Variants in ADGRV1 observed in about 807,000 individuals in gnomAD.
ADGRV1 encodes the protein G-protein coupled receptor 98.
A neutral mutation model predicts 596.2 loss-of-function variants in ADGRV1; 359 were observed. The observed-to-expected ratio is 0.60, with a 90% confidence interval of 0.55 to 0.66. The LOEUF (loss-of-function observed/expected upper bound fraction) is 0.66, where lower values mean the gene tolerates loss of function less well. ADGRV1 is among the 30% of genes least tolerant of loss of function. The pLI is 0.00. For synonymous variants in ADGRV1, 2,681 were observed against 2,679.2 expected (o/e 1.00, Z -0.02); for missense variants, 7,274 against 7,575.6 (o/e 0.96, Z 1.48).
intron 38 of ADGRV1, among the ~76,000 whole-genome samples, chr5:90,706,883 T>C (rs1748683280): frequency 1.3e-5 from 2 of 152,050 alleles, no homozygotes; most frequent in Non-Finnish European, 2.9e-5. Flanking sequence ...GTTGTTGTTG[T>C]TGTTTTAATC....
Position 90,791,153 on chromosome 5 carries a change from T to C in ADGRV1, c.14324T>C (p.Ile4775Thr), listed in dbSNP as rs1361647081. 10 of 1,613,958 alleles carry C rather than the reference T, an allele frequency of 6.2e-6. No homozygotes were observed. The highest frequency in any genetic ancestry group is 4.5e-5 in the East Asian group (2 of 44,876). Residue 4775 changes from isoleucine to threonine, a missense_variant, in exon 70 of 90, where the codon ATT becomes ACT. Physicochemically the swap from Ile to Thr is moderately conservative, Grantham distance 89. Coordinates refer to ENST00000405460, the MANE Select transcript of ADGRV1 (RefSeq NM_032119.4). The part of the protein sequence containing the change: ...ALYSDRQSIL[I>T]GQNLIRSIQI... ...TATTCGGATCGCCAGTCAATACTTATTGGGCAGAACCTTATTAGATCCATC... is the reference window on the plus strand; with the variant it reads ...TATTCGGATCGCCAGTCAATACTTACTGGGCAGAACCTTATTAGATCCATC...
At chr5:90,730,979 TGAA>T (rs1752475037) in intron 50 of ADGRV1, among the ~76,000 whole-genome samples, 1 of 152,198 alleles carries the variant, frequency 6.6e-6, no homozygotes, top group Non-Finnish European at 1.5e-5. Flanking sequence ...TACCATGCTA[TGAA>T]GAATTCCTCT....
intron 74 of ADGRV1, among the ~76,000 whole-genome samples, chr5:90,814,650 G>A (rs1762736344): frequency 6.6e-6 from 1 of 151,978 alleles, no homozygotes; most frequent in Non-Finnish European, 1.5e-5. Context: ...CATATATGAC[G>A]TGCTTTGCTT....
intron 83 of ADGRV1, among the ~76,000 whole-genome samples, chr5:90,902,987 A>G (rs549662270): frequency 1.3e-5 from 2 of 152,248 alleles, no homozygotes; most frequent in Admixed American, 1.3e-4. Flanking sequence ...AGAAAAATTG[A>G]CATCTTATGG....
intron 50 of ADGRV1, among the ~76,000 whole-genome samples, chr5:90,738,690 G>A (rs1041879149): frequency 6.6e-6 from 1 of 152,042 alleles, no homozygotes; most frequent in African/African-American, 2.4e-5. Context: ...GCCATATTGA[G>A]ACGCCTTTGA....
At position 90,637,814 on chromosome 5, in the gene ADGRV1, G is replaced by C; in HGVS notation, c.2106G>C (p.Val702=). ...CCTCTGGCTTTAATTCAAAAGCAGTGACCCCGGATGATATAGGCCCCTTTA... is the reference window on the plus strand; with the variant it reads ...CCTCTGGCTTTAATTCAAAAGCAGTCACCCCGGATGATATAGGCCCCTTTA... The part of the protein sequence containing the change: ...LKPSGFNSKA[V]TPDDIGPFNG... Residue 702 remains valine (V), a synonymous_variant, in exon 11 of 90, where the codon GTG becomes GTC. Coordinates refer to ENST00000405460, the MANE Select transcript of ADGRV1 (RefSeq NM_032119.4). 1 of 1,613,652 alleles carries C rather than the reference G, an allele frequency of 6.2e-7. No individual in the cohort carries two copies. The highest frequency in any genetic ancestry group is 8.5e-7 in the Non-Finnish European group (1 of 1,179,758).
intron 85 of ADGRV1, among the ~76,000 whole-genome samples, chr5:90,995,363 G>T (rs569632221): frequency 6.6e-4 from 100 of 152,214 alleles, no homozygotes; most frequent in African/African-American, 2.4e-3. Context: ...GCTTCATTTT[G>T]CTCCCCAAAC....
chr5:90,791,388 C>T (rs1760062651), intron 70 of ADGRV1, 42 bp downstream of exon 70: 3 of 1,410,446 alleles, frequency 2.1e-6, no homozygotes, highest in Non-Finnish European at 1.9e-6. Context: ...TCCAATAAAA[C>T]CCTTTCAGGA....
At position 90,815,662 on chromosome 5, in the gene ADGRV1, CCA is replaced by C. The variant is rs1190343247; in HGVS notation, c.16123_16124del (p.Gln5375GlufsTer27). 1.3e-6 allele frequency: 2 copies of C among 1,579,732 alleles called. No individual in the cohort carries two copies. Among genetic ancestry groups the C allele is most frequent in the Non-Finnish European group, 1.7e-6 (2 of 1,161,934 alleles). On this transcript the variant is annotated frameshift_variant, in exon 75 of 90. Coordinates refer to ENST00000405460, the MANE Select transcript of ADGRV1 (RefSeq NM_032119.4). LOFTEE classifies it high-confidence loss of function. ...NGIIGFSEES[Q>X]SGLELREGAV... ...GCATCATAGGATTCAGTGAGGAGTCCCAGAGTGGACTAGAACTCAGGGAAGGA... is the reference window on the plus strand; with the variant it reads ...GCATCATAGGATTCAGTGAGGAGTCCGAGTGGACTAGAACTCAGGGAAGGA...
chr5:90,872,023 C>T (rs115443444), intron 83 of ADGRV1, among the ~76,000 whole-genome samples: 1,843 of 152,290 alleles, frequency 0.012, 39 homozygotes, highest in African/African-American at 0.042. Flanking sequence ...CATGCAGAGG[C>T]CCTTCAGGTT....
chr5:91,065,080 C>T (rs1375966936), intron 85 of ADGRV1, among the ~76,000 whole-genome samples: 3 of 152,138 alleles, frequency 2.0e-5, no homozygotes, highest in Admixed American at 6.5e-5. Context: ...AACCAATAAG[C>T]AGATATACTG....
intron 80 of ADGRV1, 143 bp from the exon 81 acceptor site, chr5:90,853,919 A>C: frequency 1.5e-6 from 1 of 659,680 alleles, no homozygotes; most frequent in South Asian, 1.9e-5. Flanking sequence ...GATGTCCTGC[A>C]TGCATAAGTG....
At chr5:91,149,364 T>C (rs1399348134) in intron 87 of ADGRV1, among the ~76,000 whole-genome samples, 1 of 152,132 alleles carries the variant, frequency 6.6e-6, no homozygotes, top group Non-Finnish European at 1.5e-5. Context: ...TCATGATAAT[T>C]AGTGAGTCTC....
chr5:91,042,995 T>C (rs1049489071), intron 85 of ADGRV1, among the ~76,000 whole-genome samples: 2 of 152,136 alleles, frequency 1.3e-5, no homozygotes, highest in Admixed American at 6.6e-5. Flanking sequence ...ACCCCAAGCA[T>C]TTTTATTAAT....
intron 1 of ADGRV1, among the ~76,000 whole-genome samples, chr5:90,573,495 C>T (rs1384833534): frequency 6.6e-6 from 1 of 152,130 alleles, no homozygotes; most frequent in Non-Finnish European, 1.5e-5. Context: ...GTATTGAATA[C>T]TGTAGGTAAT....
At chr5:90,985,059 A>G (rs1488089563) in intron 84 of ADGRV1, among the ~76,000 whole-genome samples, 4 of 152,236 alleles carry the variant, frequency 2.6e-5, no homozygotes, top group Non-Finnish European at 5.9e-5. Context: ...GTCATAGAAG[A>G]TTGTAACTGA....
At chr5:90,696,885 CTG>C (rs1359408264) in intron 33 of ADGRV1, 50 bp from the exon 34 acceptor site, 1 of 1,348,644 alleles carries the variant, frequency 7.4e-7, no homozygotes, top group Non-Finnish European at 1.0e-6. Flanking sequence ...TCTGAGTTCT[CTG>C]TGTTGGTGAT....
intron 77 of ADGRV1, among the ~76,000 whole-genome samples, chr5:90,837,885 T>A (rs1430030106): frequency 1.3e-5 from 2 of 152,184 alleles, no homozygotes; most frequent in African/African-American, 4.8e-5. Context: ...ATCTTGCTTT[T>A]TCCTTGACTA....
At chr5:90,961,587 G>GTA (rs1778037862) in intron 83 of ADGRV1, among the ~76,000 whole-genome samples, 1 of 150,990 alleles carries the variant, frequency 6.6e-6, no homozygotes, top group Non-Finnish European at 1.5e-5. Context: ...GGAGGAGGGT[G>GTA]TATATATTAA....
Sources: gnomAD v4.1 joint callset for allele counts (sites outside exome capture counted in the v4.1 genomes callset) on GRCh38, gnomAD v4.1.1 for gene constraint, MANE v1.5 for transcripts, NCBI Gene and HGNC (gene_info 2026-07-23, HGNC 2026-07-21) for gene names.